The following UNC5D variants were observed in gnomAD, a reference collection of about 807,000 sequenced individuals.
UNC5D encodes the protein netrin receptor UNC5D.
UNC5D carries 39 observed loss-of-function variants against 105.4 expected under a neutral mutation model. The ratio of observed to expected loss-of-function variants is 0.37; its 90% confidence interval spans 0.29 to 0.48. The LOEUF (loss-of-function observed/expected upper bound fraction) is 0.48, where lower values mean the gene tolerates loss of function less well. Among genes scored for constraint, UNC5D ranks in the 20% least tolerant of loss-of-function variants. The pLI is 0.98. For synonymous variants in UNC5D, 452 were observed against 450.4 expected, an observed-to-expected ratio of 1.00 and a Z score of -0.04; for missense variants, 991 against 1,202.4, an observed-to-expected ratio of 0.82 and a Z score of 2.60.
intron 4 of UNC5D, among the ~76,000 whole-genome samples, chr8:35,681,808 G>T (rs959924222): frequency 6.6e-6 from 1 of 152,128 alleles, no homozygotes; most frequent in African/African-American, 2.4e-5. Context: ...AGTAAGTTTT[G>T]GATGGTGATG....
chr8:35,525,493 C>G, intron 1 of UNC5D: 3 of 1,612,304 alleles, frequency 1.9e-6, no homozygotes, highest in Non-Finnish European at 2.5e-6. Context: ...TCTGTCCGTG[C>G]TTTGCTGGCA....
intron 15 of UNC5D, among the ~76,000 whole-genome samples, chr8:35,773,065 A>G (rs2131735167): frequency 6.6e-6 from 1 of 152,320 alleles, no homozygotes; most frequent in Admixed American, 6.5e-5. Flanking sequence ...CCACCCAGAA[A>G]AAATCTCTTA....
At chr8:35,691,420 G>A (rs545258048) in intron 7 of UNC5D, among the ~76,000 whole-genome samples, 2 of 152,254 alleles carry the variant, frequency 1.3e-5, no homozygotes, top group South Asian at 2.1e-4. Flanking sequence ...CCAGGAGATC[G>A]AGGCTGCAGT....
At chr8:35,261,540 G>A (rs1298186812) in intron 1 of UNC5D, among the ~76,000 whole-genome samples, 1 of 151,430 alleles carries the variant, frequency 6.6e-6, no homozygotes, top group Non-Finnish European at 1.5e-5. Flanking sequence ...GCCAGCCAGA[G>A]CTATTTCTCA....
At chr8:35,634,843 G>A (rs961213644) in intron 4 of UNC5D, among the ~76,000 whole-genome samples, 20 of 150,666 alleles carry the variant, frequency 1.3e-4, no homozygotes, top group African/African-American at 4.4e-4. Flanking sequence ...CTTGGCTCAC[G>A]GCAACCTCCG....
intron 11 of UNC5D, among the ~76,000 whole-genome samples, chr8:35,741,280 T>C (rs1829745730): frequency 6.6e-6 from 1 of 152,188 alleles, no homozygotes; most frequent in Non-Finnish European, 1.5e-5. Flanking sequence ...TGCTCAAATT[T>C]CAGCAAATTC....
intron 1 of UNC5D, among the ~76,000 whole-genome samples, chr8:35,502,125 C>T (rs1812012156): frequency 6.6e-6 from 1 of 152,124 alleles, no homozygotes; most frequent in Admixed American, 6.6e-5. Context: ...TGTTGGTCTC[C>T]CATAGCCAAT....
rs186859001 is a variant in UNC5D at position 35,303,245 on chromosome 8, A to T, written c.103+67358A>T. Among the ~76,000 whole-genome samples, 983 of 152,288 alleles carry T rather than the reference A, an allele frequency of 6.5e-3. 4 individuals are homozygous for T. The highest frequency in any genetic ancestry group is 0.014 in the Middle Eastern group (4 of 294). Reference sequence around the variant, plus strand: ...TGCATTACAATTTTATAAAATGTTTAGTTGAAATAATAGGTTTATAGACCC... The same window carrying T: ...TGCATTACAATTTTATAAAATGTTTTGTTGAAATAATAGGTTTATAGACCC... On this transcript the variant is annotated intron_variant, in intron 1 of 16. Coordinates refer to ENST00000404895, the MANE Select transcript of UNC5D (RefSeq NM_080872.4).
chr8:35,722,731 C>G (rs1384537509), intron 9 of UNC5D, among the ~76,000 whole-genome samples: 2 of 152,128 alleles, frequency 1.3e-5, no homozygotes, highest in Non-Finnish European at 2.9e-5. Flanking sequence ...ATTTAGTTAA[C>G]CAAAGTATTG....
intron 1 of UNC5D, among the ~76,000 whole-genome samples, chr8:35,503,421 C>G (rs908463362): frequency 6.6e-5 from 10 of 152,308 alleles, no homozygotes; most frequent in African/African-American, 2.4e-4. Flanking sequence ...TACTCACTAG[C>G]ATGAGAGCAG....
At chr8:35,731,800 C>A (rs997283980) in intron 11 of UNC5D, among the ~76,000 whole-genome samples, 2 of 152,276 alleles carry the variant, frequency 1.3e-5, no homozygotes, top group Admixed American at 6.5e-5. Context: ...AGGCAGAAGA[C>A]CTACTCTATA....
chr8:35,619,117 C>A (rs1821201297), intron 4 of UNC5D, among the ~76,000 whole-genome samples: 1 of 152,104 alleles, frequency 6.6e-6, no homozygotes, highest in Non-Finnish European at 1.5e-5. Flanking sequence ...AAGCATCCAA[C>A]AAATGAAATA....
intron 7 of UNC5D, among the ~76,000 whole-genome samples, chr8:35,689,291 A>G (rs928613702): frequency 6.6e-6 from 1 of 152,194 alleles, no homozygotes; most frequent in Non-Finnish European, 1.5e-5. Context: ...TTGCATTTGC[A>G]TTGTAATAGT....
chr8:35,645,170 G>T (rs2131151477), intron 4 of UNC5D, among the ~76,000 whole-genome samples: 1 of 152,190 alleles, frequency 6.6e-6, no homozygotes, highest in Non-Finnish European at 1.5e-5. Context: ...GTCTGATTTA[G>T]CTGTCTTCAT....
intron 1 of UNC5D, among the ~76,000 whole-genome samples, chr8:35,537,471 G>T (rs1814924684): frequency 6.6e-6 from 1 of 152,066 alleles, no homozygotes. Flanking sequence ...TTTGGCACCA[G>T]GAGTTCAAGA....
intron 1 of UNC5D, among the ~76,000 whole-genome samples, chr8:35,337,271 A>G (rs1352510986): frequency 1.3e-5 from 2 of 152,142 alleles, no homozygotes; most frequent in East Asian, 1.9e-4. Flanking sequence ...TTATTTTTTG[A>G]TAAGAGTTTC....
chr8:35,369,290 C>T (rs1802300133), intron 1 of UNC5D, among the ~76,000 whole-genome samples: 1 of 152,098 alleles, frequency 6.6e-6, no homozygotes, highest in African/African-American at 2.4e-5. Context: ...TCCTCACCAT[C>T]TAGAATTGAA....
chr8:35,259,140 C>T (rs1265600173), intron 1 of UNC5D, among the ~76,000 whole-genome samples: 1 of 152,052 alleles, frequency 6.6e-6, no homozygotes, highest in African/African-American at 2.4e-5. Context: ...AAACTCCAGT[C>T]CTTTCGATAA....
chr8:35,721,049 C>G (rs958995970), intron 8 of UNC5D, among the ~76,000 whole-genome samples: 1 of 152,046 alleles, frequency 6.6e-6, no homozygotes, highest in African/African-American at 2.4e-5. Context: ...TATTAGGGTG[C>G]GGTGAATGCA....
Sources: allele counts gnomAD v4.1 joint callset (sites outside exome capture counted in the v4.1 genomes callset), GRCh38; gene constraint gnomAD v4.1.1; transcripts MANE v1.5; gene names NCBI Gene and HGNC (gene_info 2026-07-23, HGNC 2026-07-21).